The following DSE variants were observed in gnomAD, a reference collection of about 807,000 sequenced individuals.
DSE encodes dermatan sulfate epimerase.
In DSE, 36 loss-of-function variants were observed where a neutral mutation model predicts 84.4. The observed-to-expected ratio is 0.43, with a 90% CI of 0.33 to 0.56. DSE has a LOEUF of 0.56. Ranked by LOEUF, DSE falls within the 20% of genes least tolerant of loss-of-function variation. DSE has a pLI of 0.06. For synonymous variants in DSE, 410 were observed against 430.1 expected, an observed-to-expected ratio of 0.95 and a Z score of 0.58; for missense variants, 862 against 1,169.6, an observed-to-expected ratio of 0.74 and a Z score of 3.84.
At chr6:116,410,088 G>A (rs542969280) in intron 2 of DSE, among the ~76,000 whole-genome samples, 13 of 152,274 alleles carry the variant, frequency 8.5e-5, no homozygotes, top group African/African-American at 2.9e-4. Context: ...GCCACTGAAA[G>A]GTGTAACAGG....
chr6:116,405,720 G>A (rs1289899039), intron 2 of DSE, among the ~76,000 whole-genome samples: 1 of 152,202 alleles, frequency 6.6e-6, no homozygotes, highest in Non-Finnish European at 1.5e-5. Flanking sequence ...CGTTTATTAA[G>A]CAGGTTGTTG....
chr6:116,273,974 C>T (rs1000111339), intron 2 of DSE, among the ~76,000 whole-genome samples: 33 of 151,630 alleles, frequency 2.2e-4, no homozygotes, highest in African/African-American at 7.0e-4. Flanking sequence ...GAATTACAGG[C>T]GCCTGCCACC....
chr6:116,278,755 C>T, intron 2 of DSE: 15 of 1,614,156 alleles, frequency 9.3e-6, no homozygotes, highest in Non-Finnish European at 1.3e-5. Flanking sequence ...TTCATGCCCC[C>T]TGCGCCATAT....
At chr6:116,358,720 T>C (rs1312830335) in intron 2 of DSE, among the ~76,000 whole-genome samples, 8 of 152,254 alleles carry the variant, frequency 5.3e-5, no homozygotes, top group African/African-American at 1.7e-4. Flanking sequence ...ATCTATTTGC[T>C]ACAGTTTCCT....
At chr6:116,390,797 C>G (rs948629217) in intron 1 of DSE, among the ~76,000 whole-genome samples, 1 of 152,152 alleles carries the variant, frequency 6.6e-6, no homozygotes, top group Admixed American at 6.5e-5. Flanking sequence ...CCCCAGTACT[C>G]TCATAAGTGA....
intron 2 of DSE, among the ~76,000 whole-genome samples, chr6:116,355,180 G>A (rs1778509314): frequency 6.6e-6 from 1 of 152,190 alleles, no homozygotes; most frequent in African/African-American, 2.4e-5. Flanking sequence ...ATTCTAAGGA[G>A]TGGAATTGCT....
chr6:116,384,690 T>C (rs1780464197), intron 1 of DSE, among the ~76,000 whole-genome samples: 1 of 152,226 alleles, frequency 6.6e-6, no homozygotes, highest in Non-Finnish European at 1.5e-5. Context: ...TTTAGTTATC[T>C]CTGAGGATTT....
At chr6:116,353,131 TA>T (rs1383290825) in intron 2 of DSE, among the ~76,000 whole-genome samples, 2 of 152,314 alleles carry the variant, frequency 1.3e-5, no homozygotes, top group Non-Finnish European at 2.9e-5. Context: ...AATTTATAGT[TA>T]AAATATACAT....
chr6:116,333,495 C>T (rs1777073022), intron 2 of DSE, among the ~76,000 whole-genome samples: 1 of 152,168 alleles, frequency 6.6e-6, no homozygotes, highest in Admixed American at 6.5e-5. Context: ...TTTGTAAACT[C>T]CCCATCTCCC....
intron 2 of DSE, among the ~76,000 whole-genome samples, chr6:116,300,746 T>C (rs1774988454): frequency 6.6e-6 from 1 of 152,196 alleles, no homozygotes; most frequent in Non-Finnish European, 1.5e-5. Flanking sequence ...ACAAGTTCTC[T>C]TCACTGCTTT....
intron 1 of DSE, among the ~76,000 whole-genome samples, chr6:116,393,192 A>G (rs1464992650): frequency 6.6e-6 from 1 of 152,196 alleles, no homozygotes; most frequent in Non-Finnish European, 1.5e-5. Flanking sequence ...TAGGAAGAAA[A>G]TTTAGTTAAT....
At chr6:116,367,452 A>C (rs1323289784), upstream of DSE, among the ~76,000 whole-genome samples, 8 of 152,240 alleles carry the variant, frequency 5.3e-5, no homozygotes, top group African/African-American at 1.9e-4. Flanking sequence ...TTAATGAATT[A>C]AACTCAAGAG....
intron 1 of DSE, among the ~76,000 whole-genome samples, chr6:116,396,695 A>G (rs1004870466): frequency 2.0e-4 from 30 of 152,150 alleles, no homozygotes; most frequent in Non-Finnish European, 4.0e-4. Context: ...ATATATTCAG[A>G]CATATCCTAC....
intron 1 of DSE, among the ~76,000 whole-genome samples, chr6:116,381,682 C>G (rs1473295419): frequency 6.6e-6 from 1 of 152,048 alleles, no homozygotes; most frequent in Admixed American, 6.6e-5. Flanking sequence ...TAGCGTAGTT[C>G]TTGGCACTTG....
intron 2 of DSE, among the ~76,000 whole-genome samples, chr6:116,337,754 T>C (rs1278718912): frequency 6.6e-6 from 1 of 152,210 alleles, no homozygotes; most frequent in Non-Finnish European, 1.5e-5. Context: ...AAATTATGTT[T>C]TGATGAAGAC....
At chr6:116,416,536 T>A (rs111517297) in intron 2 of DSE, among the ~76,000 whole-genome samples, 212 of 152,112 alleles carry the variant, frequency 1.4e-3, no homozygotes, top group African/African-American at 5.0e-3. Context: ...TTAAAATAGA[T>A]GGTATATTTT....
chr6:116,301,215 A>G (rs1472037551), intron 2 of DSE, among the ~76,000 whole-genome samples: 1 of 152,114 alleles, frequency 6.6e-6, no homozygotes, highest in Non-Finnish European at 1.5e-5. Flanking sequence ...AAACATAGGC[A>G]TTCATGCACA....
At chr6:116,260,619 T>C (rs545844127) in intron 2 of DSE, among the ~76,000 whole-genome samples, 7 of 152,370 alleles carry the variant, frequency 4.6e-5, no homozygotes, top group African/African-American at 1.7e-4. Flanking sequence ...GTTTTGGGTT[T>C]TACATTTAAG....
At chr6:116,428,781 G>T (rs1019156785) in intron 3 of DSE, among the ~76,000 whole-genome samples, 13 of 152,194 alleles carry the variant, frequency 8.5e-5, no homozygotes, top group African/African-American at 3.1e-4. Flanking sequence ...TGGAATTCAA[G>T]AAAGCAGTGT....
Sources: allele counts gnomAD v4.1 joint callset (sites outside exome capture counted in the v4.1 genomes callset), GRCh38; gene constraint gnomAD v4.1.1; transcripts MANE v1.5; gene names NCBI Gene and HGNC (gene_info 2026-07-23, HGNC 2026-07-21).